TSC22D1: variants seen among roughly 807,000 people sequenced by gnomAD.
The protein encoded by TSC22D1 is TSC22 domain family protein 1.
In TSC22D1, 9 loss-of-function variants were observed where a neutral mutation model predicts 74.2. That is an observed-to-expected ratio of 0.12 (90% CI 0.07 to 0.21). TSC22D1 has a LOEUF of 0.21. Among genes scored for constraint, TSC22D1 ranks in the 10% least tolerant of loss-of-function variants. The pLI is 1.00. For missense variants in TSC22D1, 1,427 were observed against 1,304.7 expected (o/e 1.09, Z -1.44); for synonymous variants, 586 against 492.5 (o/e 1.19, Z -2.51).
Position 44,433,145 on chromosome 13 carries a change from AT to A in TSC22D1, c.*1480del, listed in dbSNP as rs1874190954. 6.6e-6 allele frequency: 1 copy of A among 152,238 alleles called. No individual in the cohort carries two copies. The highest frequency in any genetic ancestry group is 6.5e-5 in the Admixed American group (1 of 15,290). The allele number at this position is 152,238 out of a possible 1,614,324, so 9.4% of individuals were successfully genotyped here. ...GATCCTAGATCTGCTTATTCCAATT[AT>A]ACACAGAATAAGGCTCCTTCTTCCT... On this transcript the variant is annotated 3_prime_UTR_variant, in exon 3 of 3. Coordinates refer to ENST00000458659, the MANE Select transcript of TSC22D1 (RefSeq NM_183422.4).
At chr13:44,535,520 T>C (rs1286483542) in intron 1 of TSC22D1, among the ~76,000 whole-genome samples, 6 of 152,158 alleles carry the variant, frequency 3.9e-5, no homozygotes, top group South Asian at 4.1e-4. Flanking sequence ...TATTTCAATA[T>C]GGCAAAGAAA....
In TSC22D1 at chr13:44,575,586, A is replaced by T; in HGVS notation, c.489T>A (p.Thr163=). ...AGCTGCGTTCGGGCTCCCCTAAGTC[A>T]GTAGCCCTGGAAAGTGACACATCAA... is the stretch of plus-strand genomic sequence containing the variant. ...EILDVSLSRA[T]DLGEPERSSS... The change falls in exon 1 of 3, where the codon ACT becomes ACA. Residue 163 remains threonine (T), a synonymous_variant. Coordinates refer to ENST00000458659, the MANE Select transcript of TSC22D1 (RefSeq NM_183422.4). 5 of 1,614,102 alleles carry T rather than the reference A, an allele frequency of 3.1e-6. No homozygotes were observed. Among genetic ancestry groups the T allele is most frequent in the Non-Finnish European group, 3.4e-6 (4 of 1,180,020 alleles).
chr13:44,448,085 C>T (rs1331060300), intron 1 of TSC22D1, among the ~76,000 whole-genome samples: 1 of 152,030 alleles, frequency 6.6e-6, no homozygotes, highest in East Asian at 1.9e-4. Context: ...AAAGGAATCA[C>T]AGATTTAGAA....
intron 1 of TSC22D1, among the ~76,000 whole-genome samples, chr13:44,498,035 T>A (rs1163845394): frequency 6.6e-6 from 1 of 151,102 alleles, no homozygotes; most frequent in Non-Finnish European, 1.5e-5. Flanking sequence ...ATACAGAGGG[T>A]GTAGTCTTCC....
At chr13:44,530,349 C>T (rs1454972272) in intron 1 of TSC22D1, among the ~76,000 whole-genome samples, 2 of 152,076 alleles carry the variant, frequency 1.3e-5, no homozygotes, top group African/African-American at 2.4e-5. Context: ...ATATGTCCCT[C>T]ATCCCCCCAA....
intron 1 of TSC22D1, among the ~76,000 whole-genome samples, chr13:44,453,846 C>T (rs1340279565): frequency 1.3e-5 from 2 of 152,094 alleles, no homozygotes; most frequent in Middle Eastern, 3.2e-3. Flanking sequence ...AAGAAATGCT[C>T]CTAATTGAAG....
chr13:44,574,144 T>C lies in TSC22D1; in HGVS notation c.1931A>G (p.His644Arg), dbSNP rs368128204. ...PMVSTQMAPG[H>R]VKSVTQNPAS... The stretch of plus-strand genomic sequence containing the variant: ...AGGATTTTGAGTCACTGATTTGACA[T>C]GGCCTGGGGCCATCTGTGTAGAAAC... Residue 644 changes from histidine (H) to arginine (R), a missense_variant, in exon 1 of 3, where the codon CAT (histidine) becomes CGT (arginine). Physicochemically the swap from His to Arg is conservative, Grantham distance 29 (BLOSUM62 0). This residue lies in a region of TSC22D1 where 1,343 missense variants were observed against 1,191.5 expected (regional missense o/e 1.13). Coordinates refer to ENST00000458659, the MANE Select transcript of TSC22D1 (RefSeq NM_183422.4). 9.9e-6 allele frequency: 16 copies of C among 1,614,120 alleles called. No individual in the cohort carries two copies. Among genetic ancestry groups the C allele is most frequent in the Non-Finnish European group, 1.3e-5 (15 of 1,180,022 alleles).
intron 1 of TSC22D1, among the ~76,000 whole-genome samples, chr13:44,504,547 T>C (rs1879357626): frequency 7.0e-6 from 1 of 143,518 alleles, no homozygotes; most frequent in African/African-American, 2.6e-5. Context: ...GAGGTTGCAG[T>C]GAGCAGTGAT....
At chr13:44,501,112 G>A (rs778315166) in intron 1 of TSC22D1, among the ~76,000 whole-genome samples, 5 of 152,276 alleles carry the variant, frequency 3.3e-5, no homozygotes, top group African/African-American at 7.2e-5. Context: ...GCCATGGACC[G>A]AAAAGAATAG....
chr13:44,543,668 C>T (rs530722679), intron 1 of TSC22D1, among the ~76,000 whole-genome samples: 163 of 152,334 alleles, frequency 1.1e-3, no homozygotes, highest in African/African-American at 3.5e-3. Context: ...GAATAGGTAA[C>T]TCAGTAAATG....
intron 1 of TSC22D1, among the ~76,000 whole-genome samples, chr13:44,461,396 T>C (rs761037190): frequency 6.6e-5 from 10 of 152,124 alleles, no homozygotes; most frequent in African/African-American, 9.7e-5. Flanking sequence ...GTGTAAGCAA[T>C]AATTATAGGG....
chr13:44,525,974 C>T (rs918295271), intron 1 of TSC22D1, among the ~76,000 whole-genome samples: 1 of 151,912 alleles, frequency 6.6e-6, no homozygotes, highest in Non-Finnish European at 1.5e-5. Context: ...TGGTGGCTTG[C>T]GCCTGCAGTC....
chr13:44,500,739 C>CA (rs1185418782), intron 1 of TSC22D1, among the ~76,000 whole-genome samples: 3 of 152,160 alleles, frequency 2.0e-5, no homozygotes, highest in Admixed American at 6.5e-5. Flanking sequence ...GGCTGGAGTG[C>CA]AGTGGCGCAA....
chr13:44,509,939 T>C (rs1314310055), intron 1 of TSC22D1, among the ~76,000 whole-genome samples: 1 of 19,538 alleles, frequency 5.1e-5, no homozygotes, highest in Non-Finnish European at 1.1e-4. Flanking sequence ...CCTGTCAAAC[T>C]AGAAAATAAG....
At chr13:44,485,132 A>C (rs148495749) in intron 1 of TSC22D1, among the ~76,000 whole-genome samples, 76 of 152,310 alleles carry the variant, frequency 5.0e-4, no homozygotes, top group African/African-American at 1.5e-3. Flanking sequence ...ATAATAGTAC[A>C]TATCCACTTA....
chr13:44,437,633 T>C (rs1034594081), intron 1 of TSC22D1, among the ~76,000 whole-genome samples: 1 of 152,174 alleles, frequency 6.6e-6, no homozygotes, highest in Non-Finnish European at 1.5e-5. Flanking sequence ...TTCTTCTATT[T>C]AGACCCAAAA....
At chr13:44,497,265 C>T (rs1351461330) in intron 1 of TSC22D1, among the ~76,000 whole-genome samples, 1 of 152,084 alleles carries the variant, frequency 6.6e-6, no homozygotes, top group East Asian at 1.9e-4. Flanking sequence ...TCTTAAAAAT[C>T]GTGCTAAGTG....
chr13:44,479,342 A>G (rs1332969677), intron 1 of TSC22D1, among the ~76,000 whole-genome samples: 1 of 81,830 alleles, frequency 1.2e-5, no homozygotes, highest in Non-Finnish European at 2.6e-5. Context: ...TTTTTTTTTT[A>G]GCTCACCAGC....
chr13:44,459,054 G>A (rs868108606), intron 1 of TSC22D1, among the ~76,000 whole-genome samples: 1 of 152,208 alleles, frequency 6.6e-6, no homozygotes, highest in South Asian at 2.1e-4. Context: ...TGGGCTGCCA[G>A]TTCCGGGTGG....
Sources: gnomAD v4.1 joint callset for allele counts (sites outside exome capture counted in the v4.1 genomes callset) on GRCh38, gnomAD v4.1.1 for gene constraint, gnomAD v4.1.1 regional missense constraint, MANE v1.5 for transcripts, NCBI Gene and HGNC (gene_info 2026-07-23, HGNC 2026-07-21) for gene names.